Variants in SOS1 observed in about 807,000 individuals in gnomAD.
The protein encoded by SOS1 is SOS Ras/Rac guanine nucleotide exchange factor 1.
A neutral mutation model predicts 157.6 loss-of-function variants in SOS1; 25 were observed. That is an observed-to-expected ratio of 0.16 (90% CI 0.12 to 0.22). The LOEUF (loss-of-function observed/expected upper bound fraction) is 0.22. Among genes scored for constraint, SOS1 ranks in the 10% least tolerant of loss-of-function variants. The pLI is 1.00. For missense variants in SOS1, 1,237 were observed against 1,599.1 expected (o/e 0.77, Z 3.86); for synonymous variants, 528 against 534.0 (o/e 0.99, Z 0.16).
intron 6 of SOS1, among the ~76,000 whole-genome samples, chr2:39,037,276 A>G (rs1394530678): frequency 2.6e-5 from 4 of 152,270 alleles, no homozygotes; most frequent in Non-Finnish European, 4.4e-5. Context: ...GGAAGAGAAG[A>G]CTAAAAATGT....
chr2:39,035,441 A>C lies in SOS1; in HGVS notation c.924T>G (p.His308Gln). The C allele has an allele frequency of 1.2e-6, 2 of 1,614,096 alleles. No individual in the cohort carries two copies. Among genetic ancestry groups the C allele is most frequent in the South Asian group, 2.2e-5 (2 of 91,078 alleles). Residue 308 changes from histidine to glutamine, a missense_variant, in exon 7 of 23, where the codon CAT (histidine) becomes CAG (glutamine). His to Gln is a conservative substitution (Grantham distance 24). Coordinates refer to ENST00000402219, the MANE Select transcript of SOS1 (RefSeq NM_005633.4). ...TTGATAACTGACTAAGGAAACGATC[A>C]TGAAAACCAGGTCGCAAAATATCTC... ...YARDILRPGF[H>Q]DRFLSQLSKP...
At chr2:39,119,283 TATGAGCA>T (rs1468580540) in intron 1 of SOS1, among the ~76,000 whole-genome samples, 1 of 152,240 alleles carries the variant, frequency 6.6e-6, no homozygotes, top group Non-Finnish European at 1.5e-5. Flanking sequence ...GCCAGAAATA[TATGAGCA>T]AATTCTCCTG....
At chr2:38,988,409 CACTT>C (rs1430472259) in intron 21 of SOS1, among the ~76,000 whole-genome samples, 2 of 152,002 alleles carry the variant, frequency 1.3e-5, no homozygotes, top group Non-Finnish European at 2.9e-5. Context: ...TGGAAAACAA[CACTT>C]AAGTTAGTTG....
In SOS1 at chr2:38,995,201, G is replaced by T. The variant is rs1271964438; in HGVS notation, c.3268C>A (p.Pro1090Thr). Reference protein sequence around the residue: ...PNSPRTPLTPPPASGASSTTD... With the variant: ...PNSPRTPLTPTPASGASSTTD... Reference sequence around the variant, plus strand: ...GTACTGGAAGCACCAGAAGCAGGCGGAGGTGTTAACGGTGTTCTTGGAGAA... The same window carrying T: ...GTACTGGAAGCACCAGAAGCAGGCGTAGGTGTTAACGGTGTTCTTGGAGAA... Residue 1090 changes from proline (P) to threonine (T), a missense_variant, in exon 20 of 23, where the codon CCG becomes ACG. Coordinates refer to ENST00000402219, the MANE Select transcript of SOS1 (RefSeq NM_005633.4). 1.2e-6 allele frequency: 2 copies of T among 1,613,978 alleles called. No homozygotes were observed. The highest frequency in any genetic ancestry group is 2.2e-5 in the South Asian group (2 of 91,070).
chr2:39,114,098 G>A (rs1183171799), intron 1 of SOS1, among the ~76,000 whole-genome samples: 1 of 151,588 alleles, frequency 6.6e-6, no homozygotes, highest in African/African-American at 2.4e-5. Flanking sequence ...TTCTATTTTT[G>A]TTTCTTTCTT....
intron 1 of SOS1, among the ~76,000 whole-genome samples, chr2:39,110,035 T>TGC (rs59595862): frequency 0.064 from 8,203 of 128,430 alleles, 732 homozygotes; most frequent in African/African-American, 0.23. Flanking sequence ...GTTGTGTGTG[T>TGC]GTGCGTGTGT....
intron 10 of SOS1, 45 bp downstream of exon 10, chr2:39,022,525 T>C (rs1192666089): frequency 6.7e-7 from 1 of 1,490,708 alleles, no homozygotes; most frequent in Non-Finnish European, 9.4e-7. Flanking sequence ...GAAAATCAGT[T>C]TGAAGCAGGA....
intron 1 of SOS1, among the ~76,000 whole-genome samples, chr2:39,081,916 A>T (rs1460489832): frequency 4.6e-5 from 7 of 152,230 alleles, no homozygotes; most frequent in African/African-American, 7.2e-5. Context: ...ACCAATTTTT[A>T]AAAAAAATTT....
chr2:38,986,718 GAA>G (rs990156006), intron 22 of SOS1, among the ~76,000 whole-genome samples: 1 of 150,698 alleles, frequency 6.6e-6, no homozygotes, highest in African/African-American at 2.4e-5. Flanking sequence ...TCAATTCATA[GAA>G]AAAAAAAGTT....
intron 17 of SOS1, among the ~76,000 whole-genome samples, chr2:38,999,722 G>A (rs1218505980): frequency 6.6e-6 from 1 of 152,218 alleles, no homozygotes; most frequent in African/African-American, 2.4e-5. Context: ...ATAAGAGTAT[G>A]CATGCTCAAT....
intron 1 of SOS1, among the ~76,000 whole-genome samples, chr2:39,069,681 G>C (rs1419272723): frequency 1.3e-5 from 2 of 152,150 alleles, no homozygotes; most frequent in Admixed American, 1.3e-4. Flanking sequence ...CCTAGTAGCT[G>C]GGATTACAGG....
At chr2:39,056,613 A>T (rs997927556) in intron 4 of SOS1, 89 bp downstream of exon 4, 273 of 854,088 alleles carry the variant, frequency 3.2e-4, no homozygotes, top group Non-Finnish European at 4.1e-4. Flanking sequence ...AACACATAAT[A>T]CAATTTTATT....
rs570198900 is a variant in SOS1 at position 38,983,869 on chromosome 2, T to C, written c.*1955A>G. Reference sequence around the variant, plus strand: ...CCAAGAGGGGATTTGAAATTAATGTTTTAGGACGCTTTTCAAAGAGGAAAT... The same window carrying C: ...CCAAGAGGGGATTTGAAATTAATGTCTTAGGACGCTTTTCAAAGAGGAAAT... On this transcript the variant is annotated 3_prime_UTR_variant, in exon 23 of 23. Coordinates refer to ENST00000402219, the MANE Select transcript of SOS1 (RefSeq NM_005633.4). 2.0e-5 allele frequency: 3 copies of C among 152,212 alleles called. No individual in the cohort carries two copies. The South Asian group carries it at 6.2e-4, about 32-fold the overall frequency. The allele number at this position is 152,212 out of a possible 1,614,324, so 9.4% of individuals were successfully genotyped here.
At position 38,995,188 on chromosome 2, in the gene SOS1, C is replaced by A; in HGVS notation, c.3281G>T (p.Gly1094Val). ...RTPLTPPPAS[G>V]ASSTTDVCSV... ...GCAAACATCTGTGGTACTGGAAGCA[C>A]CAGAAGCAGGCGGAGGTGTTAACGG... The change falls in exon 20 of 23, where the codon GGT (glycine) becomes GTT (valine). Residue 1094 changes from glycine (G) to valine (V), a missense_variant. Physicochemically the swap from Gly to Val is moderately radical, Grantham distance 109. Transcript: ENST00000402219. 1 of 1,613,960 alleles carries A rather than the reference C, an allele frequency of 6.2e-7. No homozygotes were observed. The highest frequency in any genetic ancestry group is 8.5e-7 in the Non-Finnish European group (1 of 1,179,908).
intron 1 of SOS1, among the ~76,000 whole-genome samples, chr2:39,106,982 G>C (rs1673216689): frequency 6.6e-6 from 1 of 152,140 alleles, no homozygotes; most frequent in African/African-American, 2.4e-5. Flanking sequence ...CATTGAATAT[G>C]AATGCAAAGT....
intron 8 of SOS1, among the ~76,000 whole-genome samples, chr2:39,033,779 C>T (rs1670246670): frequency 6.6e-6 from 1 of 152,174 alleles, no homozygotes. Flanking sequence ...TCAAGCAATC[C>T]TCCTGTCTTA....
chr2:39,067,876 T>C, intron 1 of SOS1, 123 bp from the exon 2 acceptor site: 4 of 834,872 alleles, frequency 4.8e-6, no homozygotes, highest in East Asian at 2.6e-5. Flanking sequence ...GCCAGCACTC[T>C]GGGAGGCCAA....
At chr2:39,114,314 T>C (rs949106079) in intron 1 of SOS1, among the ~76,000 whole-genome samples, 2 of 151,588 alleles carry the variant, frequency 1.3e-5, no homozygotes, top group Non-Finnish European at 2.9e-5. Context: ...TTTTTTTCTT[T>C]TTTTCTGAGA....
intron 1 of SOS1, among the ~76,000 whole-genome samples, chr2:39,069,683 G>C (rs1476363673): frequency 6.6e-6 from 1 of 151,980 alleles, no homozygotes; most frequent in African/African-American, 2.4e-5. Context: ...TAGTAGCTGG[G>C]ATTACAGGCA....
Sources: allele counts gnomAD v4.1 joint callset (sites outside exome capture counted in the v4.1 genomes callset), GRCh38; gene constraint gnomAD v4.1.1; transcripts MANE v1.5; gene names NCBI Gene and HGNC (gene_info 2026-07-23, HGNC 2026-07-21).